TRAK2: variants seen among roughly 807,000 people sequenced by gnomAD.
The protein encoded by TRAK2 is trafficking kinesin-binding protein 2.
TRAK2 carries 81 observed loss-of-function variants against 104.6 expected under a neutral mutation model. That is an observed-to-expected ratio of 0.77 (90% CI 0.65 to 0.93). The LOEUF is 0.93. Among genes scored for constraint, TRAK2 ranks in the 40% least tolerant of loss-of-function variants. TRAK2 has a pLI of 0.00. For synonymous variants in TRAK2, 406 were observed against 394.4 expected (o/e 1.03, Z -0.35); for missense variants, 1,002 against 1,089.0 (o/e 0.92, Z 1.12).
chr2:201,388,585 G>A (rs1316793720), intron 12 of TRAK2, among the ~76,000 whole-genome samples: 3 of 152,002 alleles, frequency 2.0e-5, no homozygotes, highest in African/African-American at 7.2e-5. Flanking sequence ...CCCATTTTTT[G>A]ACTTCAACAC....
chr2:201,390,824 T>TA (rs942288686), intron 10 of TRAK2, among the ~76,000 whole-genome samples: 23 of 149,490 alleles, frequency 1.5e-4, no homozygotes, highest in African/African-American at 3.7e-4. Context: ...AAAAATCATT[T>TA]AAAAAAAAAG....
At chr2:201,392,303 A>G (rs1951455473) in intron 10 of TRAK2, among the ~76,000 whole-genome samples, 3 of 152,224 alleles carry the variant, frequency 2.0e-5, no homozygotes, top group Non-Finnish European at 2.9e-5. Context: ...CCTATTTTTA[A>G]GAAAATCTAC....
intron 2 of TRAK2, among the ~76,000 whole-genome samples, chr2:201,420,034 C>A (rs1488356677): frequency 6.6e-6 from 1 of 152,098 alleles, no homozygotes; most frequent in African/African-American, 2.4e-5. Flanking sequence ...GTGTTATGGG[C>A]CTGTATGTAT....
rs1951304390 is a variant in TRAK2 at position 201,378,046 on chromosome 2, GTAT to G, written c.*2494_*2496del. 1 of 152,144 alleles carries G rather than the reference GTAT, an allele frequency of 6.6e-6. No individual in the cohort carries two copies. Among genetic ancestry groups the G allele is most frequent in the Admixed American group, 6.6e-5 (1 of 15,264 alleles). The allele number at this position is 152,144 out of a possible 1,614,324, so 9.4% of individuals were successfully genotyped here. A position where few individuals can be genotyped will look rare whatever the true frequency, so the allele number is the denominator to read the frequency against. On this transcript the variant is annotated 3_prime_UTR_variant, in exon 16 of 16. Coordinates refer to ENST00000332624, the MANE Select transcript of TRAK2 (RefSeq NM_015049.3). The stretch of plus-strand genomic sequence containing the variant: ...TTACTATATTTTGCAGACAATTCTA[GTAT>G]TATAGAGATTATCAGGATATACCAA...
At chr2:201,443,101 C>A (rs916779546) in intron 1 of TRAK2, among the ~76,000 whole-genome samples, 1 of 152,090 alleles carries the variant, frequency 6.6e-6, no homozygotes, top group African/African-American at 2.4e-5. Context: ...ATTAAAAAAA[C>A]CCCTACCTTT....
rs1488276195 is a variant in TRAK2 at position 201,395,371 on chromosome 2, T to G, written c.843A>C (p.Gln281His). 2.5e-6 allele frequency: 4 copies of G among 1,605,150 alleles called. No individual in the cohort carries two copies. Among genetic ancestry groups the G allele is most frequent in the Non-Finnish European group, 3.4e-6 (4 of 1,173,542 alleles). The change falls in exon 8 of 16, where the codon CAA becomes CAC. Residue 281 changes from glutamine to histidine, a missense_variant. Transcript: ENST00000332624. ...SGKSDELIRY[Q>H]EELSSLLSQI... Reference sequence around the variant, plus strand: ...GTGACAAAAGAGAGGAAAGCTCTTCTTGGTATCGAATCAGCTCATCACTCT... The same window carrying G: ...GTGACAAAAGAGAGGAAAGCTCTTCGTGGTATCGAATCAGCTCATCACTCT...
Position 201,423,861 on chromosome 2 carries a change from A to G in TRAK2, c.-199-3155T>C, listed in dbSNP as rs537521868. On this transcript the variant is annotated intron_variant, in intron 1 of 15. Transcript: ENST00000332624. ...TTAAATAAAATCAGTCTTGGTAAAG[A>G]AAAAAAAGATTATATTTTATATACA... 3.3e-5 allele frequency among the ~76,000 whole-genome samples: 5 copies of G among 152,192 alleles called. No individual in the cohort carries two copies. The South Asian group carries it at 1.0e-3, about 32-fold the overall frequency.
intron 3 of TRAK2, among the ~76,000 whole-genome samples, chr2:201,401,740 T>C (rs1422973348): frequency 1.3e-5 from 2 of 152,112 alleles, no homozygotes; most frequent in East Asian, 1.9e-4. Context: ...AAGCCCTGTA[T>C]TTCTGCACTT....
intron 2 of TRAK2, chr2:201,411,985 C>G: frequency 1.0e-6 from 1 of 964,534 alleles, no homozygotes; most frequent in Admixed American, 1.7e-5. Flanking sequence ...GAACACTGTT[C>G]TTTATCTCAT....
chr2:201,445,228 T>C (rs541465179), intron 1 of TRAK2, among the ~76,000 whole-genome samples: 1 of 152,282 alleles, frequency 6.6e-6, no homozygotes, highest in South Asian at 2.1e-4. Flanking sequence ...AGCTAGAACA[T>C]CACTTATATA....
chr2:201,401,138 GA>G, intron 3 of TRAK2, 44 bp from the exon 4 acceptor site: 1 of 1,334,860 alleles, frequency 7.5e-7, no homozygotes, highest in Non-Finnish European at 1.0e-6. Context: ...TAGCAATAAT[GA>G]AAAAATTTAA....
intron 1 of TRAK2, among the ~76,000 whole-genome samples, chr2:201,442,481 C>G (rs1303795084): frequency 1.3e-5 from 2 of 151,994 alleles, no homozygotes; most frequent in Non-Finnish European, 1.5e-5. Flanking sequence ...TTTGAGCAAT[C>G]AATTTTCTAA....
chr2:201,424,265 G>T (rs531177921), intron 1 of TRAK2, among the ~76,000 whole-genome samples: 8 of 152,280 alleles, frequency 5.3e-5, no homozygotes, highest in Admixed American at 3.3e-4. Context: ...ATCATTTTTA[G>T]GTAGGGAACC....
rs1298920671 is a variant in TRAK2, at chr2:201,395,343, T to C, written c.871A>G (p.Ile291Val). Residue 291 changes from isoleucine to valine, a missense_variant, in exon 8 of 16, where the codon ATT (isoleucine) becomes GTT (valine). Ile to Val is a conservative substitution (Grantham distance 29). Coordinates refer to ENST00000332624, the MANE Select transcript of TRAK2 (RefSeq NM_015049.3). The stretch of plus-strand genomic sequence containing the variant: ...TTAAGTTTGTGCTGAAGGTCTACAA[T>C]CTGTGACAAAAGAGAGGAAAGCTCT... ...QEELSSLLSQ[I>V]VDLQHKLKEH... is the part of the protein sequence containing the mutation. 6.2e-7 allele frequency: 1 copy of C among 1,606,782 alleles called. No homozygotes were observed. Among genetic ancestry groups the C allele is most frequent in the Non-Finnish European group, 8.5e-7 (1 of 1,174,748 alleles).
intron 6 of TRAK2, 114 bp downstream of exon 6, chr2:201,398,031 A>G: frequency 1.0e-6 from 1 of 993,928 alleles, no homozygotes; most frequent in East Asian, 2.4e-5. Context: ...ACGACTCTCT[A>G]ATTGGAATGC....
At chr2:201,428,554 C>A (rs1318833407) in intron 1 of TRAK2, among the ~76,000 whole-genome samples, 1 of 152,168 alleles carries the variant, frequency 6.6e-6, no homozygotes, top group Non-Finnish European at 1.5e-5. Flanking sequence ...CAATACCATG[C>A]TGTTTTGGTT....
chr2:201,412,149 T>A, intron 2 of TRAK2: 4 of 999,540 alleles, frequency 4.0e-6, no homozygotes, highest in Non-Finnish European at 6.5e-6. Context: ...AGTAGAACAC[T>A]GGGCAAAACA....
intron 3 of TRAK2, among the ~76,000 whole-genome samples, chr2:201,404,326 G>T (rs1055823279): frequency 6.6e-6 from 1 of 152,110 alleles, no homozygotes; most frequent in Non-Finnish European, 1.5e-5. Context: ...AATGATCCTT[G>T]CTTATTTCCA....
intron 1 of TRAK2, among the ~76,000 whole-genome samples, chr2:201,426,617 G>A (rs1951790982): frequency 6.6e-6 from 1 of 152,164 alleles, no homozygotes; most frequent in African/African-American, 2.4e-5. Context: ...TAACTTTGGA[G>A]GTTTTGTTAA....
Sources: gnomAD v4.1 joint callset for allele counts (sites outside exome capture counted in the v4.1 genomes callset) on GRCh38, gnomAD v4.1.1 for gene constraint, MANE v1.5 for transcripts, NCBI Gene and HGNC (gene_info 2026-07-23, HGNC 2026-07-21) for gene names.